PITPNM3: variants seen among roughly 807,000 people sequenced by gnomAD.
PITPNM3 encodes membrane-associated phosphatidylinositol transfer protein 3.
A neutral mutation model predicts 102.0 loss-of-function variants in PITPNM3; 26 were observed. The observed-to-expected ratio is 0.25, with a 90% CI of 0.19 to 0.35. PITPNM3 has a LOEUF of 0.35. Ranked by LOEUF, PITPNM3 falls within the 10% of genes least tolerant of loss-of-function variation. The pLI, the probability that PITPNM3 is intolerant of heterozygous loss-of-function variation, is 1.00. For synonymous variants in PITPNM3, 578 were observed against 558.6 expected (o/e 1.03, Z -0.49); for missense variants, 1,083 against 1,346.1 (o/e 0.80, Z 3.06).
chr17:6,481,969 C>A (rs868033328), intron 6 of PITPNM3: 2 of 115,542 alleles, frequency 1.7e-5, no homozygotes, highest in Middle Eastern at 6.8e-3. Flanking sequence ...GGGCACTTAG[C>A]CCTAGGAAAA....
chr17:6,462,928 G>A (rs905870896), intron 17 of PITPNM3, among the ~76,000 whole-genome samples: 2 of 152,162 alleles, frequency 1.3e-5, no homozygotes, highest in African/African-American at 4.8e-5. Flanking sequence ...AAGGCAGTGG[G>A]AGGATCATGG....
At chr17:6,550,971 G>A (rs78868927) in intron 1 of PITPNM3, among the ~76,000 whole-genome samples, 1,908 of 152,346 alleles carry the variant, frequency 0.013, 29 homozygotes, top group African/African-American at 0.043. Context: ...CTGCTGCTGG[G>A]ATAGGTGATT....
intron 3 of PITPNM3, among the ~76,000 whole-genome samples, chr17:6,515,660 TC>T (rs1335614414): frequency 1.3e-5 from 2 of 152,056 alleles, no homozygotes; most frequent in Non-Finnish European, 2.9e-5. Context: ...TGTGTTGTAA[TC>T]TCACCTATGA....
Position 6,470,217 on chromosome 17 carries a change from C to T in PITPNM3, c.1773+43G>A. ...CCAGCTGGAGAAGGGGCGGTACCCC[C>T]TTGGGGTGGCTGTGGGCAGGCCCGC... On this transcript the variant is annotated intron_variant, in intron 13 of 19. Coordinates refer to ENST00000262483, the MANE Select transcript of PITPNM3 (RefSeq NM_031220.4). The surrounding 1 kb of genome is among the most constrained non-coding windows in gnomAD (Gnocchi z 4.8). The T allele has an allele frequency of 6.4e-7, 1 of 1,559,956 alleles. No homozygotes were observed. The highest frequency in any genetic ancestry group is 8.7e-7 in the Non-Finnish European group (1 of 1,150,144).
At position 6,451,332 on chromosome 17, in the gene PITPNM3, A is replaced by T. The variant is rs1913822869; in HGVS notation, c.*4006T>A. 1 of 152,252 alleles carries T rather than the reference A, an allele frequency of 6.6e-6. No individual in the cohort carries two copies. The highest frequency in any genetic ancestry group is 2.4e-5 in the African/African-American group (1 of 41,458). 9.4% of individuals were successfully genotyped at this position (152,252 alleles called of 1,614,324 possible). A position where few individuals can be genotyped will look rare whatever the true frequency, so the allele number is the denominator to read the frequency against. ...TAAAAACCAGCTCACATCAAAATCA[A>T]GACCCAGTTGTAAAAATCTTTTAAC... is the stretch of plus-strand genomic sequence containing the variant. On this transcript the variant is annotated 3_prime_UTR_variant, in exon 20 of 20. Coordinates refer to ENST00000262483, the MANE Select transcript of PITPNM3 (RefSeq NM_031220.4).
At chr17:6,487,832 G>A (rs1036477119) in intron 4 of PITPNM3, among the ~76,000 whole-genome samples, 4 of 152,214 alleles carry the variant, frequency 2.6e-5, no homozygotes, top group Non-Finnish European at 2.9e-5. Context: ...TTGAGGCCGT[G>A]CCTGGTTCCG....
chr17:6,553,017 G>C (rs919137733), intron 1 of PITPNM3, among the ~76,000 whole-genome samples: 1 of 150,936 alleles, frequency 6.6e-6, no homozygotes. Flanking sequence ...TGATCTGCCC[G>C]CCTCGGCGTC....
chr17:6,531,789 C>T (rs1411424061), intron 2 of PITPNM3, among the ~76,000 whole-genome samples: 4 of 152,334 alleles, frequency 2.6e-5, no homozygotes, highest in African/African-American at 9.6e-5. Flanking sequence ...TCTGGCCACA[C>T]CAGCCTTCCT....
intron 4 of PITPNM3, among the ~76,000 whole-genome samples, chr17:6,496,967 C>T (rs982307608): frequency 6.6e-6 from 1 of 152,060 alleles, no homozygotes; most frequent in Admixed American, 6.5e-5. Context: ...GGCTAATGCA[C>T]ACATACAAGT....
chr17:6,477,020 AG>A lies in PITPNM3; in HGVS notation c.1085+8del, dbSNP rs753396349. 1.6e-4 allele frequency: 253 copies of A among 1,613,684 alleles called. No individual in the cohort carries two copies. The highest frequency in any genetic ancestry group is 1.8e-4 in the Non-Finnish European group (213 of 1,179,960). ...AAGGTCTTCTTGCTTCTGGACAGGGAGGGGCTACCTTGAGAGGAAGGCATGG... is the reference window on the plus strand; with the variant it reads ...AAGGTCTTCTTGCTTCTGGACAGGGAGGGCTACCTTGAGAGGAAGGCATGG... On this transcript the variant is annotated splice_region_variant and intron_variant, in intron 9 of 19. Coordinates refer to ENST00000262483, the MANE Select transcript of PITPNM3 (RefSeq NM_031220.4).
intron 9 of PITPNM3, among the ~76,000 whole-genome samples, 154 bp downstream of exon 9, chr17:6,476,875 C>G (rs1905329811): frequency 6.6e-6 from 1 of 152,222 alleles, no homozygotes; most frequent in African/African-American, 2.4e-5. Flanking sequence ...GCTGTGGTCC[C>G]TCAGTACAGG....
At position 6,503,549 on chromosome 17, in the gene PITPNM3, G is replaced by A. The variant is rs756989884; in HGVS notation, c.252C>T (p.Ser84=). ...HQGEGTAPCT[S]SILQEKQREL... is the part of the protein sequence containing the mutation. ...CACGCTGCTTCTCCTGGAGGATGCT[G>A]GATGTGCACGGCGCGGTCCCTTCTC... Residue 84 remains serine (S), a synonymous_variant, in exon 4 of 20, where the codon TCC becomes TCT. Coordinates refer to ENST00000262483, the MANE Select transcript of PITPNM3 (RefSeq NM_031220.4). The A allele has an allele frequency of 3.1e-6, 5 of 1,612,180 alleles. No individual in the cohort carries two copies. The highest frequency in any genetic ancestry group is 1.1e-5 in the South Asian group (1 of 91,068).
chr17:6,465,568 C>T (rs2150719654), intron 14 of PITPNM3, among the ~76,000 whole-genome samples: 1 of 152,292 alleles, frequency 6.6e-6, no homozygotes, highest in South Asian at 2.1e-4. Flanking sequence ...GCCTCGTGTT[C>T]CCAGCACCTG....
intron 3 of PITPNM3, among the ~76,000 whole-genome samples, chr17:6,509,253 A>G (rs941077899): frequency 6.6e-6 from 1 of 152,058 alleles, no homozygotes; most frequent in Non-Finnish European, 1.5e-5. Context: ...TCTTCTTCCA[A>G]TCCCCTCCCA....
At position 6,469,374 on chromosome 17, in the gene PITPNM3, C is replaced by T. The variant is rs1351874182; in HGVS notation, c.1773+886G>A. Among the ~76,000 whole-genome samples, 5 of 151,994 alleles carry T rather than the reference C, an allele frequency of 3.3e-5. No homozygotes were observed. The highest frequency in any genetic ancestry group is 1.3e-4 in the Admixed American group (2 of 15,264). ...TGGAGCACCCTGGCCTGGGTGCCAC[C>T]GGGCTGGGGACCCACCCCCAGCCCA... On this transcript the variant is annotated intron_variant, in intron 13 of 19. Transcript: ENST00000262483. The surrounding 1 kb of genome is among the most constrained non-coding windows in gnomAD (Gnocchi z 4.0).
At chr17:6,522,793 C>T (rs1036774826) in intron 3 of PITPNM3, among the ~76,000 whole-genome samples, 2 of 152,104 alleles carry the variant, frequency 1.3e-5, no homozygotes, top group Non-Finnish European at 2.9e-5. Context: ...CTTCCCAGAG[C>T]CTCTCAGAGC....
chr17:6,478,342 G>A lies in PITPNM3; in HGVS notation c.777+205C>T, dbSNP rs1169390105. ...CAGACTTGGGCTAGAGAGCAGCATGGGCTCAGAATCAGAACTCAGACTGTT... is the reference window on the plus strand; with the variant it reads ...CAGACTTGGGCTAGAGAGCAGCATGAGCTCAGAATCAGAACTCAGACTGTT... On this transcript the variant is annotated intron_variant, in intron 7 of 19. Transcript: ENST00000262483. This position sits in a 1 kb window ranked among gnomAD's most constrained non-coding sequence, Gnocchi z 4.4. Among the ~76,000 whole-genome samples the A allele has an allele frequency of 6.6e-6, 1 of 152,256 alleles. No individual in the cohort carries two copies. The highest frequency in any genetic ancestry group is 1.5e-5 in the Non-Finnish European group (1 of 68,046).
chr17:6,531,364 T>G (rs1909135622), intron 2 of PITPNM3, among the ~76,000 whole-genome samples: 1 of 152,158 alleles, frequency 6.6e-6, no homozygotes. Context: ...AAAAGACCGT[T>G]TCATTTTTCT....
Position 6,470,374 on chromosome 17 carries a change from G to A in PITPNM3, c.1659C>T (p.Asp553=), listed in dbSNP as rs756979653. 6 of 1,614,068 alleles carry A rather than the reference G, an allele frequency of 3.7e-6. No individual in the cohort carries two copies. The South Asian group carries it at 4.4e-5, about 12-fold the overall frequency. Residue 553 remains aspartate, a synonymous_variant, in exon 13 of 20, where the codon GAC becomes GAT. Transcript: ENST00000262483. The surrounding 1 kb of genome is among the most constrained non-coding windows in gnomAD (Gnocchi z 4.8). Reference sequence around the variant, plus strand: ...GGACATCAGGGCAGTACAGGGCATAGTCGATCCTCTTGCTTCCCCACCACT... The same window carrying A: ...GGACATCAGGGCAGTACAGGGCATAATCGATCCTCTTGCTTCCCCACCACT... ...TAKWWGSKRI[D]YALYCPDVLT... is the part of the protein sequence containing the mutation.
Sources: allele counts gnomAD v4.1 joint callset (sites outside exome capture counted in the v4.1 genomes callset), GRCh38; gene constraint gnomAD v4.1.1; non-coding constraint Gnocchi (gnomAD v3.1); transcripts MANE v1.5; gene names NCBI Gene and HGNC (gene_info 2026-07-23, HGNC 2026-07-21).